The following EMC3 variants were observed in gnomAD, a reference collection of about 807,000 sequenced individuals.
EMC3 encodes the protein 30 kDa protein.
Under a neutral mutation model 36.6 loss-of-function variants are expected in EMC3, and 13 were observed. The observed-to-expected ratio is 0.35, with a 90% CI of 0.23 to 0.56. EMC3 has a LOEUF of 0.56. Ranked by LOEUF, EMC3 falls within the 20% of genes least tolerant of loss-of-function variation. The pLI is 0.84. For synonymous variants in EMC3, 120 were observed against 111.9 expected (o/e 1.07, Z -0.46); for missense variants, 220 against 324.5 (o/e 0.68, Z 2.47).
At chr3:9,977,515 T>TAGAAGAC in intron 1 of EMC3, 69 bp from the exon 2 acceptor site, 5 of 1,413,642 alleles carry the variant, frequency 3.5e-6, no homozygotes, top group Non-Finnish European at 4.9e-6. Context: ...GAGAGTCAAG[T>TAGAAGAC]AGAAGACCTA....
intron 7 of EMC3, chr3:9,969,416 A>G: frequency 7.9e-7 from 1 of 1,265,178 alleles, no homozygotes; most frequent in South Asian, 1.6e-5. Context: ...ATGGGGTTCA[A>G]AAAGGTTCAA....
chr3:10,008,555 C>G, intron 1 of EMC3: 1 of 1,139,100 alleles, frequency 8.8e-7, no homozygotes, highest in Non-Finnish European at 1.2e-6. Flanking sequence ...AAAGACAGCC[C>G]AGAGAGCAGG....
rs920334371 is a variant in EMC3 at position 9,986,758 on chromosome 3, C to G, written c.-97G>C. On this transcript the variant is annotated 5_prime_UTR_variant, in exon 1 of 8. Coordinates refer to ENST00000245046, the MANE Select transcript of EMC3 (RefSeq NM_001394674.1). The stretch of plus-strand genomic sequence containing the variant: ...GGCTTCGCCTCCGGGCCTTCTCAAG[C>G]CCCTTTGCCCGTGTACCCCAGAACT... 4 of 1,551,062 alleles carry G rather than the reference C, an allele frequency of 2.6e-6. No homozygotes were observed. The highest frequency in any genetic ancestry group is 3.5e-6 in the Non-Finnish European group (4 of 1,149,916).
At chr3:9,984,174 C>T (rs892127881) in intron 1 of EMC3, among the ~76,000 whole-genome samples, 8 of 151,882 alleles carry the variant, frequency 5.3e-5, no homozygotes, top group Admixed American at 6.6e-5. Context: ...CTCTGCCTCC[C>T]GGATTCAAGC....
At chr3:10,006,166 CA>C (rs1354797534) in intron 1 of EMC3, among the ~76,000 whole-genome samples, 1 of 152,176 alleles carries the variant, frequency 6.6e-6, no homozygotes, top group Non-Finnish European at 1.5e-5. Flanking sequence ...CCTGATACAC[CA>C]AAAACCATCC....
At chr3:9,971,372 C>G (rs910734737) in intron 5 of EMC3, among the ~76,000 whole-genome samples, 3 of 152,162 alleles carry the variant, frequency 2.0e-5, no homozygotes, top group Non-Finnish European at 2.9e-5. Context: ...AATAAATATG[C>G]TTGCATATAA....
At chr3:9,987,285 T>C (rs1575687930), upstream of EMC3, 3 of 980,692 alleles carry the variant, frequency 3.1e-6, no homozygotes, top group Admixed American at 1.3e-4. Context: ...GGAGCAGTGG[T>C]CGTAGTCTCT....
chr3:10,007,372 T>C, intron 1 of EMC3: 3 of 1,363,504 alleles, frequency 2.2e-6, no homozygotes, highest in Non-Finnish European at 2.9e-6. Flanking sequence ...AGGAGGATCC[T>C]GAAGCCCTGG....
rs200560169 is a variant in EMC3 at position 9,966,713 on chromosome 3, T to TA, written c.658-2517dup. ...CCTCAGCCTCCTGAGTAGCTGGGAT[T>TA]ACAGGCAGGCACCACTATGCCCAGC... On this transcript the variant is annotated intron_variant, in intron 7 of 7. Transcript: ENST00000245046. Among the ~76,000 whole-genome samples, 423 of 152,174 alleles carry TA rather than the reference T, an allele frequency of 2.8e-3. 6 individuals carry two copies. The South Asian group carries it at 0.029, about 10-fold the overall frequency.
At chr3:9,979,827 G>T (rs17050669) in intron 1 of EMC3, among the ~76,000 whole-genome samples, 1 of 152,010 alleles carries the variant, frequency 6.6e-6, no homozygotes, top group Non-Finnish European at 1.5e-5. Context: ...GATGAGTGAG[G>T]ATTACCTTGG....
intron 7 of EMC3, among the ~76,000 whole-genome samples, chr3:9,965,116 A>G (rs2124897136): frequency 6.6e-6 from 1 of 151,910 alleles, no homozygotes; most frequent in African/African-American, 2.4e-5. Context: ...AAAAAAAAAA[A>G]AAAAAGCTTG....
chr3:9,975,766 C>A (rs1259657138), intron 3 of EMC3, among the ~76,000 whole-genome samples: 2 of 145,084 alleles, frequency 1.4e-5, no homozygotes, highest in Non-Finnish European at 3.0e-5. Context: ...GAGCCGAGAT[C>A]GCACCACTGC....
upstream of EMC3, chr3:9,987,913 C>T (rs147432933): frequency 5.2e-5 from 53 of 1,018,340 alleles, no homozygotes; most frequent in African/African-American, 4.9e-4. Flanking sequence ...CAGGTAATCT[C>T]TGAGCTTCGG....
chr3:9,988,341 G>C, upstream of EMC3: 1 of 888,206 alleles, frequency 1.1e-6, no homozygotes, highest in East Asian at 2.4e-5. Context: ...GTAGGTAGAA[G>C]AGTAATTTTT....
upstream of EMC3, chr3:9,988,803 G>A: frequency 9.2e-7 from 1 of 1,091,830 alleles, no homozygotes; most frequent in Non-Finnish European, 1.4e-6. Context: ...TAATGACATT[G>A]GCTAGCTTGC....
chr3:9,978,022 C>T (rs1052165627), intron 1 of EMC3, among the ~76,000 whole-genome samples: 3 of 151,600 alleles, frequency 2.0e-5, no homozygotes, highest in African/African-American at 7.3e-5. Context: ...CAATAAATAT[C>T]ATGCTAGGCC....
chr3:9,988,277 CT>C, upstream of EMC3: 1 of 661,000 alleles, frequency 1.5e-6, no homozygotes, highest in South Asian at 1.6e-5. Context: ...TTGTCATTTA[CT>C]CCAGGGTACA....
chr3:9,963,446 C>T lies in EMC3; in HGVS notation c.*623G>A, dbSNP rs1381766692. 1.1e-5 allele frequency: 1 copy of T among 89,382 alleles called. No individual in the cohort carries two copies. Among genetic ancestry groups the T allele is most frequent in the Non-Finnish European group, 2.1e-5 (1 of 47,264 alleles). 5.5% of individuals were successfully genotyped at this position (89,382 alleles called of 1,614,324 possible). A position where few individuals can be genotyped will look rare whatever the true frequency, so the allele number is the denominator to read the frequency against. ...GCTTCCTTCGAAGACTGGGCTTCTG[C>T]TAAGATAGATATATATATATATATA... On this transcript the variant is annotated 3_prime_UTR_variant, in exon 8 of 8. Transcript: ENST00000245046.
chr3:9,966,289 C>T (rs1289845559), intron 7 of EMC3, among the ~76,000 whole-genome samples: 1 of 150,294 alleles, frequency 6.7e-6, no homozygotes, highest in Non-Finnish European at 1.5e-5. Context: ...GTGGCGCAAT[C>T]TCCGCTCACT....
Sources: gnomAD v4.1 joint callset for allele counts (sites outside exome capture counted in the v4.1 genomes callset) on GRCh38, gnomAD v4.1.1 for gene constraint, MANE v1.5 for transcripts, NCBI Gene and HGNC (gene_info 2026-07-23, HGNC 2026-07-21) for gene names.